Variants in CYLC2 observed in about 807,000 individuals in gnomAD.
CYLC2 encodes cylicin-2.
A neutral mutation model predicts 26.1 loss-of-function variants in CYLC2; 30 were observed. That is an observed-to-expected ratio of 1.15 (90% CI 0.86 to 1.56). The LOEUF is 1.56. CYLC2 is among the 40% of genes most tolerant of loss of function. The probability of loss-of-function intolerance (pLI) is 0.00; values close to 1 mark genes in which losing one functional copy is unlikely to be tolerated. For synonymous variants in CYLC2, 158 were observed against 132.8 expected (o/e 1.19, Z -1.31); for missense variants, 498 against 394.4 (o/e 1.26, Z -2.23).
intron 3 of CYLC2, 113 bp downstream of exon 3, chr9:103,003,376 G>A: frequency 1.1e-6 from 1 of 940,280 alleles, no homozygotes; most frequent in Non-Finnish European, 1.6e-6. Flanking sequence ...TAGTAAGCTT[G>A]TGAAATCATG....
intron 1 of CYLC2, among the ~76,000 whole-genome samples, chr9:103,000,353 T>C (rs927602470): frequency 1.8e-4 from 27 of 152,036 alleles, no homozygotes; most frequent in Non-Finnish European, 3.4e-4. Flanking sequence ...TTTGAAAATC[T>C]ATTTTGAAAA....
chr9:102,999,004 A>T (rs1829263032), intron 1 of CYLC2, among the ~76,000 whole-genome samples: 2 of 151,894 alleles, frequency 1.3e-5, no homozygotes, highest in South Asian at 4.1e-4. Flanking sequence ...CACTTAGTTT[A>T]TCCATTCCTT....
rs12238272 is a variant in CYLC2 at position 103,009,640 on chromosome 9, G to A, written c.*701-2342G>A. On this transcript the variant is annotated intron_variant, in intron 5 of 7. Transcript: ENST00000374798. ...TTACTGACTATAGTCATTCCAATGT[G>A]CTATCAAATAGTAGGTCTTATTCAT... is the stretch of plus-strand genomic sequence containing the variant. Among the ~76,000 whole-genome samples the A allele has an allele frequency of 0.011, 1,658 of 152,184 alleles. 102 individuals carry two copies. In the East Asian group the frequency reaches 0.2, roughly 18 times the overall value.
rs765811661 is a variant in CYLC2 at position 103,005,433 on chromosome 9, A to G, written c.802A>G (p.Lys268Glu). The stretch of plus-strand genomic sequence containing the variant: ...TGCCAAGAAAGATGCAAAGGAGATT[A>G]AAAAAGGTAAGAAAGATAAGAAGAA... ...KDAKKDAKEI[K>E]KGKKDKKKPS... Residue 268 changes from lysine to glutamate, a missense_variant, in exon 5 of 8, where the codon AAA becomes GAA. Lys to Glu is a moderately conservative substitution (Grantham distance 56). Transcript: ENST00000374798. 1 of 1,613,540 alleles carries G rather than the reference A, an allele frequency of 6.2e-7. No individual in the cohort carries two copies.
intron 7 of CYLC2, among the ~76,000 whole-genome samples, chr9:103,017,474 T>C (rs1829519217): frequency 6.6e-6 from 1 of 152,052 alleles, no homozygotes; most frequent in Non-Finnish European, 1.5e-5. Flanking sequence ...GTTTACTGAA[T>C]AAATTGATCT....
intron 5 of CYLC2, among the ~76,000 whole-genome samples, chr9:103,008,757 C>G (rs1158759029): frequency 6.6e-6 from 1 of 152,126 alleles, no homozygotes; most frequent in African/African-American, 2.4e-5. Flanking sequence ...TCTACCACTT[C>G]TGTACACTAA....
At chr9:103,013,588 T>C (rs1170445973) in intron 6 of CYLC2, among the ~76,000 whole-genome samples, 1 of 112,172 alleles carries the variant, frequency 8.9e-6, no homozygotes, top group African/African-American at 3.7e-5. Context: ...ATTTACAATA[T>C]ATAAATATAT....
chr9:103,000,202 C>A (rs1482321090), intron 1 of CYLC2, among the ~76,000 whole-genome samples: 1 of 151,698 alleles, frequency 6.6e-6, no homozygotes, highest in Non-Finnish European at 1.5e-5. Flanking sequence ...TTTTGGACCA[C>A]TGGTTCTTTA....
At position 103,004,703 on chromosome 9, in the gene CYLC2, T is replaced by C; in HGVS notation, c.189T>C (p.Asp63=). 6.3e-7 allele frequency: 1 copy of C among 1,589,846 alleles called. No homozygotes were observed. Among genetic ancestry groups the C allele is most frequent in the South Asian group, 1.2e-5 (1 of 86,540 alleles). The change falls in exon 4 of 8, where the codon GAT becomes GAC. Residue 63 remains aspartate (D), a synonymous_variant. Transcript: ENST00000374798. ...TTGTAACCATCTTTCAGATAATTGA[T>C]GAAGAACAATTAAGAGGAGATCGTA... ...QIRDNTVSII[D]EEQLRGDRRQ...
At chr9:103,012,919 G>A (rs896020632) in intron 6 of CYLC2, among the ~76,000 whole-genome samples, 4 of 150,690 alleles carry the variant, frequency 2.7e-5, no homozygotes, top group Admixed American at 2.0e-4. Context: ...TCACAGTATG[G>A]TGTAGTTTGG....
intron 2 of CYLC2, 115 bp downstream of exon 2, chr9:103,001,733 A>T: frequency 1.5e-6 from 1 of 657,994 alleles, no homozygotes; most frequent in Non-Finnish European, 2.6e-6. Flanking sequence ...TTGATAATTA[A>T]CTATTTCCCA....
chr9:103,009,550 G>A (rs949454902), intron 5 of CYLC2, among the ~76,000 whole-genome samples: 3 of 151,986 alleles, frequency 2.0e-5, no homozygotes, highest in Non-Finnish European at 4.4e-5. Flanking sequence ...CCCCTTCAAA[G>A]ATTTATCCTT....
intron 3 of CYLC2, among the ~76,000 whole-genome samples, chr9:103,003,992 T>G (rs958282463): frequency 5.3e-5 from 8 of 152,150 alleles, no homozygotes; most frequent in African/African-American, 1.9e-4. Flanking sequence ...TGTAACCCAT[T>G]AGTAGTGAAC....
At chr9:103,014,030 T>G (rs1317417964) in intron 6 of CYLC2, among the ~76,000 whole-genome samples, 1 of 109,988 alleles carries the variant, frequency 9.1e-6, no homozygotes, top group Non-Finnish European at 1.7e-5. Context: ...ATATTATTCA[T>G]ATTATATACA....
rs80140014 is a variant in CYLC2 at position 103,003,183 on chromosome 9, G to T, written c.100G>T (p.Ala34Ser). The T allele has an allele frequency of 1.7e-5, 27 of 1,613,588 alleles. No individual in the cohort carries two copies. The African/African-American group carries it at 3.5e-4, about 21-fold the overall frequency. ...AAAATCATGGAATCAGCAACACTTT[G>T]CCCTGTTATTTCCCAAACCACAACG... ...SKKSWNQQHF[A>S]LLFPKPQRPG... is the part of the protein sequence containing the mutation. Residue 34 changes from alanine (A) to serine (S), a missense_variant, in exon 3 of 8, where the codon GCC (alanine) becomes TCC (serine). Coordinates refer to ENST00000374798, the MANE Select transcript of CYLC2 (RefSeq NM_001340.5).
chr9:103,002,034 A>G (rs1829293584), intron 2 of CYLC2, among the ~76,000 whole-genome samples: 1 of 152,142 alleles, frequency 6.6e-6, no homozygotes, highest in African/African-American at 2.4e-5. Flanking sequence ...ATTTTGAAGA[A>G]CTTCAAATAT....
At chr9:103,008,648 G>A (rs1829375698) in intron 5 of CYLC2, among the ~76,000 whole-genome samples, 1 of 152,008 alleles carries the variant, frequency 6.6e-6, no homozygotes, top group East Asian at 1.9e-4. Flanking sequence ...AAATCAGTGA[G>A]TCATCCCTAA....
rs1214354893 is a variant in CYLC2 at position 103,005,949 on chromosome 9, G to A, written c.*271G>A. The A allele has an allele frequency of 3.1e-6, 1 of 326,008 alleles. No individual in the cohort carries two copies. The highest frequency in any genetic ancestry group is 2.2e-5 in the African/African-American group (1 of 46,116). 20.2% of individuals were successfully genotyped at this position (326,008 alleles called of 1,614,324 possible). A position where few individuals can be genotyped will look rare whatever the true frequency, so the allele number is the denominator to read the frequency against. On this transcript the variant is annotated 3_prime_UTR_variant, in exon 5 of 8. Transcript: ENST00000374798. The stretch of plus-strand genomic sequence containing the variant: ...CGGGGATATGAAGGATTCAATGAAT[G>A]ATCTCTAGAAAGATTTAAAGAAGAA...
intron 1 of CYLC2, among the ~76,000 whole-genome samples, chr9:102,998,604 A>G (rs562926646): frequency 3.9e-5 from 6 of 152,016 alleles, no homozygotes; most frequent in Non-Finnish European, 7.4e-5. Context: ...CAGTAGGGGC[A>G]AGGGTATTTG....
Sources: gnomAD v4.1 joint callset for allele counts (sites outside exome capture counted in the v4.1 genomes callset) on GRCh38, gnomAD v4.1.1 for gene constraint, MANE v1.5 for transcripts, NCBI Gene and HGNC (gene_info 2026-07-23, HGNC 2026-07-21) for gene names.